RNF44: variants seen among roughly 807,000 people sequenced by gnomAD.
RNF44 encodes the protein ring finger protein 44.
A neutral mutation model predicts 53.6 loss-of-function variants in RNF44; 25 were observed. The observed-to-expected ratio is 0.47, with a 90% confidence interval of 0.34 to 0.65. RNF44 has a LOEUF of 0.65. RNF44 is among the 30% of genes least tolerant of loss of function. RNF44 has a pLI of 0.01. For missense variants in RNF44, 581 were observed against 595.5 expected (o/e 0.98, Z 0.25); for synonymous variants, 282 against 252.2 (o/e 1.12, Z -1.12).
In RNF44 at chr5:176,532,504, G is replaced by A. The variant is rs775335524; in HGVS notation, c.-32C>T. On this transcript the variant is annotated 5_prime_UTR_variant, in exon 2 of 11. Transcript: ENST00000274811. ...GGCAGGGGGGTGGAGGGGCTGGGCC[G>A]GGACTCACAACCCTAGGAGGCAAGG... The A allele has an allele frequency of 7.8e-6, 12 of 1,532,102 alleles. No homozygotes were observed. Among genetic ancestry groups the A allele is most frequent in the South Asian group, 2.4e-5 (2 of 82,782 alleles). The allele number at this position is 1,532,102 out of a possible 1,614,324, so 94.9% of individuals were successfully genotyped here. A position where few individuals can be genotyped will look rare whatever the true frequency, so the allele number is the denominator to read the frequency against.
intron 1 of RNF44, among the ~76,000 whole-genome samples, chr5:176,534,106 G>T (rs918886576): frequency 5.3e-5 from 8 of 152,222 alleles, no homozygotes; most frequent in African/African-American, 9.6e-5. Context: ...TGGGAGACCG[G>T]GGCCCGACCA....
chr5:176,529,204 G>T, intron 10 of RNF44, 84 bp downstream of exon 10: 1 of 1,548,916 alleles, frequency 6.5e-7, no homozygotes, highest in Non-Finnish European at 8.9e-7. Context: ...ATGATGACAA[G>T]GACAAGGAGG....
At chr5:176,530,013 A>C in intron 7 of RNF44, 69 bp downstream of exon 7, 1 of 1,465,906 alleles carries the variant, frequency 6.8e-7, no homozygotes, top group Non-Finnish European at 9.0e-7. Context: ...AGCTGTGTTT[A>C]GGTCTAACCA....
intron 1 of RNF44, among the ~76,000 whole-genome samples, chr5:176,533,031 C>T (rs746184987): frequency 6.6e-6 from 1 of 152,182 alleles, no homozygotes; most frequent in Non-Finnish European, 1.5e-5. Flanking sequence ...CCAGTGGGTT[C>T]CTGGTAGGCT....
At chr5:176,538,536 G>A (rs1418910216), upstream of RNF44, among the ~76,000 whole-genome samples, 1 of 151,560 alleles carries the variant, frequency 6.6e-6, no homozygotes, top group Non-Finnish European at 1.5e-5. Context: ...GGAACAGGTC[G>A]AATAATGAAT....
chr5:176,530,898 T>TTGG lies in RNF44; in HGVS notation c.588_589insCCA (p.His196_Met197insPro). 2.9e-5 allele frequency: 5 copies of TTGG among 173,674 alleles called. No homozygotes were observed. Among genetic ancestry groups the TTGG allele is most frequent in the South Asian group, 1.5e-4 (1 of 6,768 alleles). 10.8% of individuals were successfully genotyped at this position (173,674 alleles called of 1,614,324 possible). On this transcript the variant is annotated inframe_insertion, in exon 5 of 11. Transcript: ENST00000274811. ...GACACAAACTGCCCCAGGGGCGCCA[T>TTGG]GTGGGTGGGCTGGGGGGGTGGGGCC... is the stretch of plus-strand genomic sequence containing the variant.
rs1443634055 is a variant in RNF44 at position 176,532,424 on chromosome 5, C to T, written c.49G>A (p.Val17Met). The change falls in exon 2 of 11, where the codon GTG becomes ATG. Residue 17 changes from valine (V) to methionine (M), a missense_variant. By Grantham distance (21) the Val-to-Met change is conservative. Coordinates refer to ENST00000274811, the MANE Select transcript of RNF44 (RefSeq NM_014901.5). ...CCCGCAGAGAATCGCCGCTGGCCCA[C>T]GGGGGCGGAGGGTGGCCACCTAGTC... The part of the protein sequence containing the change: ...AVTRWPPSAP[V>M]GQRRFSAGPG... 4.2e-6 allele frequency: 6 copies of T among 1,445,394 alleles called. No individual in the cohort carries two copies. Among genetic ancestry groups the T allele is most frequent in the Non-Finnish European group, 5.6e-6 (6 of 1,078,600 alleles). The allele number at this position is 1,445,394 out of a possible 1,614,324, so 89.5% of individuals were successfully genotyped here.
intron 1 of RNF44, among the ~76,000 whole-genome samples, chr5:176,533,856 C>G (rs957131035): frequency 6.6e-6 from 1 of 152,350 alleles, no homozygotes; most frequent in South Asian, 2.1e-4. Flanking sequence ...ATGCGTCCAA[C>G]AGGACCAGAT....
chr5:176,530,851 CCG>C lies in RNF44; in HGVS notation c.634_635del (p.Arg212AspfsTer119). The C allele has an allele frequency of 8.5e-7, 1 of 1,171,706 alleles. No homozygotes were observed. The highest frequency in any genetic ancestry group is 1.1e-6 in the Non-Finnish European group (1 of 930,246). The allele number at this position is 1,171,706 out of a possible 1,614,324, so 72.6% of individuals were successfully genotyped here. ...QFVSLQTQHP[R>X]MPLQRLDNDV... ...CATCGGACCCATGCCGACTCACCAT[CCG>C]AGGGTGCTGGGTCTGCAGAGACACA... On this transcript the variant is annotated frameshift_variant, in exon 5 of 11. Coordinates refer to ENST00000274811, the MANE Select transcript of RNF44 (RefSeq NM_014901.5). LOFTEE classifies it high-confidence loss of function.
At chr5:176,530,460 C>T in intron 6 of RNF44, 122 bp downstream of exon 6, 2 of 1,166,032 alleles carry the variant, frequency 1.7e-6, no homozygotes, top group Non-Finnish European at 2.3e-6. Context: ...CCCCGGAGCC[C>T]ACGTGCAAGT....
intron 1 of RNF44, among the ~76,000 whole-genome samples, chr5:176,532,775 CTG>C (rs1284613643): frequency 2.3e-5 from 2 of 86,900 alleles, no homozygotes; most frequent in Admixed American, 1.2e-4. Context: ...AAGAAAGAAA[CTG>C]AGGCACAGAG....
upstream of RNF44, among the ~76,000 whole-genome samples, chr5:176,538,550 G>C (rs1415355945): frequency 6.6e-6 from 1 of 152,166 alleles, no homozygotes; most frequent in African/African-American, 2.4e-5. Context: ...AATGAATATT[G>C]GGTGCATGCA....
Position 176,531,952 on chromosome 5 carries a change from C to T in RNF44, c.297+52G>A. 6.5e-7 allele frequency: 1 copy of T among 1,531,572 alleles called. No individual in the cohort carries two copies. Among genetic ancestry groups the T allele is most frequent in the Non-Finnish European group, 8.8e-7 (1 of 1,135,810 alleles). 94.9% of individuals were successfully genotyped at this position (1,531,572 alleles called of 1,614,324 possible). ...GAAATCTAGGCCTTGCTGCCTCTGC[C>T]TCTCAGACTGGCTCACAGGGCCAGG... is the stretch of plus-strand genomic sequence containing the variant. On this transcript the variant is annotated intron_variant, in intron 3 of 10. Coordinates refer to ENST00000274811, the MANE Select transcript of RNF44 (RefSeq NM_014901.5). The surrounding 1 kb of genome is among the most constrained non-coding windows in gnomAD (Gnocchi z 4.2).
chr5:176,529,526 G>T lies in RNF44; in HGVS notation c.1133C>A (p.Thr378Lys). ...FNPDSHQSEQ[T>K]LCVVCFSDFE... ...GGAGGTGGGGCAGGGTACTCACAGC[G>T]TCTGCTCCGACTGATGGCTGTCCGG... The change falls in exon 9 of 11, where the codon ACG becomes AAG. Residue 378 changes from threonine (T) to lysine (K), a missense_variant. Coordinates refer to ENST00000274811, the MANE Select transcript of RNF44 (RefSeq NM_014901.5). 6.2e-7 allele frequency: 1 copy of T among 1,613,968 alleles called. No homozygotes were observed. The highest frequency in any genetic ancestry group is 8.5e-7 in the Non-Finnish European group (1 of 1,180,018).
intron 7 of RNF44, 87 bp downstream of exon 7, chr5:176,529,995 G>C: frequency 6.8e-7 from 1 of 1,468,640 alleles, no homozygotes; most frequent in East Asian, 2.3e-5. Context: ...AGGCCCTGGG[G>C]CCCCTGGAGC....
At position 176,529,672 on chromosome 5, in the gene RNF44, C is replaced by T. The variant is rs571030932; in HGVS notation, c.1015-28G>A. 72 of 1,612,324 alleles carry T rather than the reference C, an allele frequency of 4.5e-5. 1 individual carries two copies. In the South Asian group the frequency reaches 5.9e-4, roughly 13 times the overall value. ...GCATGCGGGCAGGAGACGGGGTCAG[C>T]GGCGCCCAGGGCTGCAGGTCTCCCA... On this transcript the variant is annotated intron_variant, in intron 8 of 10. Coordinates refer to ENST00000274811, the MANE Select transcript of RNF44 (RefSeq NM_014901.5).
At chr5:176,539,642 T>C (rs902885646), upstream of RNF44, among the ~76,000 whole-genome samples, 1 of 151,672 alleles carries the variant, frequency 6.6e-6, no homozygotes, top group Non-Finnish European at 1.5e-5. Context: ...GAGCTGAGAT[T>C]GCGCCACTGC....
At position 176,531,339 on chromosome 5, in the gene RNF44, C is replaced by T. The variant is rs565848379; in HGVS notation, c.465+124G>A. On this transcript the variant is annotated intron_variant, in intron 4 of 10. Coordinates refer to ENST00000274811, the MANE Select transcript of RNF44 (RefSeq NM_014901.5). This position sits in a 1 kb window ranked among gnomAD's most constrained non-coding sequence, Gnocchi z 4.2. The stretch of plus-strand genomic sequence containing the variant: ...TGCTTTCCTGGGGAGGCCAGGCAGG[C>T]GCTCTGACAGCCTGGATGGCTGGAT... The T allele has an allele frequency of 5.8e-5, 55 of 950,158 alleles. No individual in the cohort carries two copies. Among genetic ancestry groups the T allele is most frequent in the Middle Eastern group, 3.3e-4 (1 of 3,022 alleles). 58.9% of individuals were successfully genotyped at this position (950,158 alleles called of 1,614,324 possible). A position where few individuals can be genotyped will look rare whatever the true frequency, so the allele number is the denominator to read the frequency against.
At position 176,530,921 on chromosome 5, in the gene RNF44, G is replaced by GGGGGGGGGGGGGGGGC; in HGVS notation, c.565_566insGCCCCCCCCCCCCCCC (p.Ala189GlyfsTer148). ...CATGTGGGTGGGCTGGGGGGGTGGG[G>GGGGGGGGGGGGGGGGC]CCGGTGGTGGGGGGTGCAGGATGTA... On this transcript the variant is annotated frameshift_variant, in exon 5 of 11. Transcript: ENST00000274811. LOFTEE classifies it high-confidence loss of function. 4 of 778,416 alleles carry GGGGGGGGGGGGGGGGC rather than the reference G, an allele frequency of 5.1e-6. No individual in the cohort carries two copies. Among genetic ancestry groups the GGGGGGGGGGGGGGGGC allele is most frequent in the Non-Finnish European group, 7.8e-6 (4 of 514,184 alleles). 48.2% of individuals were successfully genotyped at this position (778,416 alleles called of 1,614,324 possible). A position where few individuals can be genotyped will look rare whatever the true frequency, so the allele number is the denominator to read the frequency against.
Sources: gnomAD v4.1 joint callset for allele counts (sites outside exome capture counted in the v4.1 genomes callset) on GRCh38, gnomAD v4.1.1 for gene constraint, Gnocchi (gnomAD v3.1) non-coding constraint, MANE v1.5 for transcripts, NCBI Gene and HGNC (gene_info 2026-07-23, HGNC 2026-07-21) for gene names.